Variants in INCA1 observed in about 807,000 individuals in gnomAD.
INCA1 encodes the protein protein INCA1.
INCA1 carries 28 observed loss-of-function variants against 25.7 expected under a neutral mutation model. That is an observed-to-expected ratio of 1.09 (90% confidence interval 0.81 to 1.49). The LOEUF is 1.49. Among genes scored for constraint, INCA1 ranks in the 40% most tolerant of loss-of-function variants. INCA1 has a pLI of 0.00. For synonymous variants in INCA1, 111 were observed against 103.6 expected (o/e 1.07, Z -0.43); for missense variants, 309 against 290.9 (o/e 1.06, Z -0.45).
At chr17:4,996,463 CTT>C (rs1402933757) in intron 1 of INCA1, among the ~76,000 whole-genome samples, 2 of 151,252 alleles carry the variant, frequency 1.3e-5, no homozygotes, top group Non-Finnish European at 2.9e-5. Flanking sequence ...GGGCGGATCA[CTT>C]GAGGTCAGGA....
chr17:4,994,596 C>T, intron 1 of INCA1, 121 bp from the exon 2 acceptor site: 1 of 664,106 alleles, frequency 1.5e-6, no homozygotes, highest in Non-Finnish European at 2.7e-6. Flanking sequence ...TCAAGACCAG[C>T]CTGGCCAATA....
chr17:4,990,027 A>G (rs2143176586), intron 3 of INCA1, 98 bp from the exon 4 acceptor site: 1 of 1,612,266 alleles, frequency 6.2e-7, no homozygotes, highest in Non-Finnish European at 8.5e-7. Context: ...TGTCATTAGG[A>G]GCTACAATGT....
At chr17:4,994,674 C>T (rs1211035524) in intron 1 of INCA1, among the ~76,000 whole-genome samples, 199 bp from the exon 2 acceptor site, 2 of 151,550 alleles carry the variant, frequency 1.3e-5, no homozygotes, top group Non-Finnish European at 2.9e-5. Flanking sequence ...CCTATAGTCC[C>T]AGCTACCCAG....
chr17:4,993,959 A>G (rs1394408080), intron 2 of INCA1, among the ~76,000 whole-genome samples: 1 of 149,576 alleles, frequency 6.7e-6, no homozygotes, highest in Non-Finnish European at 1.5e-5. Flanking sequence ...TCTAGTAGAG[A>G]TGGGGTTTTG....
chr17:4,990,189 C>T (rs1319246791), exon 3 of INCA1: 1 of 1,614,186 alleles, frequency 6.2e-7, no homozygotes, highest in South Asian at 1.1e-5. Flanking sequence ...AAGACATCTC[C>T]ATAACGCTGG....
chr17:4,996,429 C>G (rs113536807), intron 1 of INCA1, among the ~76,000 whole-genome samples: 13,333 of 150,624 alleles, frequency 0.089, 766 homozygotes, highest in Middle Eastern at 0.12. Context: ...AGACTGTAAT[C>G]CCAGCACTTT....
exon 5 of INCA1, chr17:4,989,580 C>T: frequency 6.2e-7 from 1 of 1,614,208 alleles, no homozygotes; most frequent in Non-Finnish European, 8.5e-7. Context: ...GGGGTGGGAG[C>T]TGCTCAGGAG....
rs1973766459 is a variant in INCA1, at chr17:4,990,162, G to A, written c.148C>T (p.Gln50Ter). Residue 50 changes from glutamine to a stop codon, truncating the protein, a stop_gained, in exon 3 of 7, where the codon CAA becomes TAA. Coordinates refer to ENST00000576820, the Ensembl canonical transcript of INCA1. LOFTEE classifies it high-confidence loss of function. ...TTCTCCTCTACTCACGTGGGCCTTT[G>A]ATTAAGGTTCTTCCAGAAGACATCT... is the stretch of plus-strand genomic sequence containing the variant. 6.2e-7 allele frequency: 1 copy of A among 1,614,026 alleles called. No individual in the cohort carries two copies. Among genetic ancestry groups the A allele is most frequent in the Admixed American group, 1.7e-5 (1 of 59,998 alleles).
At chr17:4,988,188 T>C (rs1242672493), downstream of INCA1, 1 of 472,614 alleles carries the variant, frequency 2.1e-6, no homozygotes, top group Non-Finnish European at 3.7e-6. Flanking sequence ...GAGCGGGGCC[T>C]GGAGGAAAAC....
exon 6 of INCA1, chr17:4,988,922 T>C (rs1220630070): frequency 2.5e-6 from 4 of 1,614,068 alleles, no homozygotes; most frequent in Middle Eastern, 1.7e-4. Context: ...GCCCCAGAGC[T>C]GCCCCACTGG....
chr17:4,990,155 G>A (rs1464312845), exon 3 of INCA1: 3 of 1,614,040 alleles, frequency 1.9e-6, no homozygotes, highest in Non-Finnish European at 2.5e-6. Flanking sequence ...TACTCACGTG[G>A]GCCTTTGATT....
chr17:4,988,430 A>C, exon 7 of INCA1: 1 of 1,609,594 alleles, frequency 6.2e-7, no homozygotes, highest in Non-Finnish European at 8.5e-7. Context: ...TGCCAACTCC[A>C]TCCCCCAGGG....
chr17:4,991,233 A>G (rs866832528), intron 2 of INCA1, among the ~76,000 whole-genome samples: 3 of 152,102 alleles, frequency 2.0e-5, no homozygotes, highest in Non-Finnish European at 4.4e-5. Flanking sequence ...TCAACGTTTT[A>G]AGAAAGTTTA....
intron 2 of INCA1, among the ~76,000 whole-genome samples, chr17:4,993,767 CTTTTTTTTTTTT>C (rs934109564): frequency 1.0e-5 from 1 of 97,322 alleles, no homozygotes; most frequent in East Asian, 3.5e-4. Context: ...CGTGCCTGGC[CTTTTTTTTTTTT>C]TTTTTTTTTT....
At chr17:4,993,832 CACAATCTTGGCT>C (rs1331607591) in intron 2 of INCA1, among the ~76,000 whole-genome samples, 1 of 122,452 alleles carries the variant, frequency 8.2e-6, no homozygotes, top group Non-Finnish European at 1.6e-5. Context: ...AGTGCAGTGG[CACAATCTTGGCT>C]CACTGCAACC....
chr17:4,989,804 A>C (rs933018121), intron 4 of INCA1, 86 bp downstream of exon 4: 1 of 1,595,148 alleles, frequency 6.3e-7, no homozygotes, highest in East Asian at 2.2e-5. Flanking sequence ...TAACAGAGGG[A>C]AGCGGTAATA....
exon 2 of INCA1, chr17:4,994,471 T>C: frequency 1.9e-6 from 3 of 1,611,702 alleles, no homozygotes; most frequent in Non-Finnish European, 2.5e-6. Flanking sequence ...GTCTCCTTTT[T>C]GGTGCTGGGA....
intron 3 of INCA1, 74 bp from the exon 4 acceptor site, chr17:4,990,003 C>T: frequency 1.2e-6 from 2 of 1,612,058 alleles, no homozygotes; most frequent in Admixed American, 1.7e-5. Flanking sequence ...AATAATCTCT[C>T]CCGACCTCCT....
chr17:4,988,893 C>T (rs1216231242), exon 6 of INCA1: 3 of 1,614,124 alleles, frequency 1.9e-6, no homozygotes, highest in African/African-American at 1.3e-5. Flanking sequence ...CTTCGCCAAG[C>T]ACCACTGGCT....
Sources: allele counts gnomAD v4.1 joint callset (sites outside exome capture counted in the v4.1 genomes callset), GRCh38; gene constraint gnomAD v4.1.1; transcripts MANE v1.5; gene names NCBI Gene and HGNC (gene_info 2026-07-23, HGNC 2026-07-21).